EYS: variants seen among roughly 807,000 people sequenced by gnomAD.
EYS encodes the protein EGF-like photoreceptor maintenance factor.
A neutral mutation model predicts 282.1 loss-of-function variants in EYS; 250 were observed. That is an observed-to-expected ratio of 0.89 (90% CI 0.80 to 0.98). EYS has a LOEUF of 0.98. EYS is among the 50% of genes least tolerant of loss of function. EYS has a pLI of 0.00. For synonymous variants in EYS, 1,355 were observed against 1,282.9 expected (o/e 1.06, Z -1.20); for missense variants, 4,016 against 3,709.0 (o/e 1.08, Z -2.15).
At chr6:64,448,984 C>A (rs191379529) in intron 26 of EYS, among the ~76,000 whole-genome samples, 72 of 152,226 alleles carry the variant, frequency 4.7e-4, no homozygotes, top group Admixed American at 1.3e-3. Context: ...TCCTCACCAG[C>A]AATGGAACAA....
chr6:64,183,902 T>C (rs1451637966), intron 31 of EYS, among the ~76,000 whole-genome samples: 4 of 152,144 alleles, frequency 2.6e-5, no homozygotes, highest in Non-Finnish European at 4.4e-5. Context: ...AAAACACTTC[T>C]TTTCTTTTTT....
intron 13 of EYS, among the ~76,000 whole-genome samples, chr6:65,031,937 T>C (rs1328200234): frequency 6.6e-6 from 1 of 151,850 alleles, no homozygotes; most frequent in African/African-American, 2.4e-5. Flanking sequence ...AAACCCAAAA[T>C]TGGTTTCTTG....
intron 10 of EYS, among the ~76,000 whole-genome samples, chr6:65,336,225 A>C (rs987927646): frequency 6.6e-6 from 1 of 151,782 alleles, no homozygotes; most frequent in Non-Finnish European, 1.5e-5. Context: ...GCGAACTGAT[A>C]TCACAAATAA....
chr6:63,790,445 T>C (rs978201682), intron 37 of EYS, among the ~76,000 whole-genome samples: 2 of 152,186 alleles, frequency 1.3e-5, no homozygotes, highest in Non-Finnish European at 2.9e-5. Flanking sequence ...TTTTGAAAGC[T>C]CTCTAGGTGA....
intron 22 of EYS, among the ~76,000 whole-genome samples, chr6:64,667,758 T>C (rs1011382963): frequency 3.3e-5 from 5 of 152,128 alleles, no homozygotes; most frequent in African/African-American, 1.2e-4. Context: ...TGAAAATACA[T>C]TGTGGTCATT....
chr6:63,725,147 T>C (rs191601752), intron 42 of EYS, among the ~76,000 whole-genome samples: 8 of 152,262 alleles, frequency 5.3e-5, no homozygotes, highest in Non-Finnish European at 1.2e-4. Context: ...CTTATATAAG[T>C]GTCAAATGCA....
intron 2 of EYS, among the ~76,000 whole-genome samples, chr6:65,503,847 T>C (rs1299585124): frequency 1.3e-5 from 2 of 151,706 alleles, no homozygotes; most frequent in African/African-American, 4.8e-5. Flanking sequence ...CCAGGCTACC[T>C]TGATTATTGT....
chr6:64,845,104 T>C (rs1161867865), intron 19 of EYS, among the ~76,000 whole-genome samples: 2 of 151,936 alleles, frequency 1.3e-5, no homozygotes, highest in African/African-American at 2.4e-5. Flanking sequence ...GCCTGGGCAA[T>C]ATAGTAAGAC....
chr6:64,187,349 T>A (rs796732022), intron 31 of EYS, among the ~76,000 whole-genome samples: 2 of 152,182 alleles, frequency 1.3e-5, no homozygotes, highest in African/African-American at 4.8e-5. Flanking sequence ...AAAAAGATAA[T>A]AAAAACAGCT....
chr6:64,269,194 T>A (rs1767861040), intron 30 of EYS, among the ~76,000 whole-genome samples: 1 of 152,100 alleles, frequency 6.6e-6, no homozygotes, highest in African/African-American at 2.4e-5. Flanking sequence ...ACCAGCTTAT[T>A]ACAGAGCTTG....
At chr6:65,371,156 A>G (rs1198092208) in intron 8 of EYS, among the ~76,000 whole-genome samples, 1 of 151,886 alleles carries the variant, frequency 6.6e-6, no homozygotes, top group Non-Finnish European at 1.5e-5. Context: ...CCTCTGTATG[A>G]AACACACAGA....
chr6:65,525,735 C>G (rs1171398639), intron 2 of EYS, among the ~76,000 whole-genome samples: 3 of 152,180 alleles, frequency 2.0e-5, no homozygotes, highest in African/African-American at 7.2e-5. Context: ...AAATGGACAA[C>G]AGTATATCTT....
chr6:65,204,818 T>TATATATTCTGGAAGAACGTATTC (rs1389910483), intron 12 of EYS, among the ~76,000 whole-genome samples: 34 of 134,820 alleles, frequency 2.5e-4, no homozygotes, highest in Middle Eastern at 4.3e-3. Flanking sequence ...AGAACATATT[T>TATATATTCTGGAAGAACGTATTC]ATATATTCTG....
intron 12 of EYS, among the ~76,000 whole-genome samples, chr6:65,080,515 T>A (rs1774201560): frequency 6.6e-6 from 1 of 152,090 alleles, no homozygotes; most frequent in South Asian, 2.1e-4. Context: ...AAAGAATGAA[T>A]CTAGGACTTA....
chr6:64,891,112 T>A (rs1767278263), intron 18 of EYS, among the ~76,000 whole-genome samples: 1 of 151,924 alleles, frequency 6.6e-6, no homozygotes, highest in Admixed American at 6.6e-5. Context: ...GGCCCTGGGA[T>A]TCTAGAGTCC....
At chr6:64,219,834 T>G (rs1582444148) in intron 31 of EYS, among the ~76,000 whole-genome samples, 1 of 152,176 alleles carries the variant, frequency 6.6e-6, no homozygotes, top group African/African-American at 2.4e-5. Flanking sequence ...ATATACACCA[T>G]GGAACACTAT....
intron 7 of EYS, among the ~76,000 whole-genome samples, chr6:65,384,738 A>C (rs530457917): frequency 1.3e-5 from 2 of 152,016 alleles, no homozygotes; most frequent in African/African-American, 4.8e-5. Flanking sequence ...ATTTAAGAAT[A>C]AAATAAACTT....
chr6:64,784,671 T>C (rs1185345605), intron 22 of EYS, among the ~76,000 whole-genome samples: 1 of 152,196 alleles, frequency 6.6e-6, no homozygotes, highest in Admixed American at 6.5e-5. Flanking sequence ...CTTGTTGTTG[T>C]TGTTGTTGTT....
At chr6:64,414,580 G>A (rs911325354) in intron 28 of EYS, among the ~76,000 whole-genome samples, 1 of 152,092 alleles carries the variant, frequency 6.6e-6, no homozygotes, top group Non-Finnish European at 1.5e-5. Context: ...TAAATCTCAT[G>A]AAGAGTTAAA....
Sources: allele counts gnomAD v4.1 joint callset (sites outside exome capture counted in the v4.1 genomes callset), GRCh38; gene constraint gnomAD v4.1.1; transcripts MANE v1.5; gene names NCBI Gene and HGNC (gene_info 2026-07-23, HGNC 2026-07-21).